The following DYSF variants were observed in gnomAD, a reference collection of about 807,000 sequenced individuals.
DYSF encodes dysferlin.
In DYSF, 212 loss-of-function variants were observed where a neutral mutation model predicts 274.9. The observed-to-expected ratio is 0.77, with a 90% CI of 0.69 to 0.86. The LOEUF is 0.86. Among genes scored for constraint, DYSF ranks in the 40% least tolerant of loss-of-function variants. The probability of loss-of-function intolerance (pLI) is 0.00; values close to 1 mark genes in which losing one functional copy is unlikely to be tolerated. For missense variants in DYSF, 2,666 were observed against 2,783.2 expected (o/e 0.96, Z 0.95); for synonymous variants, 1,091 against 1,078.7 (o/e 1.01, Z -0.22).
Position 71,679,251 on chromosome 2 carries a change from C to G in DYSF, c.6063+16C>G, listed in dbSNP as rs752264721. 1 of 1,613,120 alleles carries G rather than the reference C, an allele frequency of 6.2e-7. No homozygotes were observed. Among genetic ancestry groups the G allele is most frequent in the South Asian group, 1.1e-5 (1 of 90,962 alleles). Reference sequence around the variant, plus strand: ...AATACTGGCGGTAAGTCTACTTCCTCCAGCCCCAGTGGAGGGCATGGGGGA... The same window carrying G: ...AATACTGGCGGTAAGTCTACTTCCTGCAGCCCCAGTGGAGGGCATGGGGGA... On this transcript the variant is annotated intron_variant, in intron 53 of 55. Transcript: ENST00000410020.
At chr2:71,605,253 GT>G (rs1558596900) in intron 36 of DYSF, among the ~76,000 whole-genome samples, 1 of 152,114 alleles carries the variant, frequency 6.6e-6, no homozygotes. Context: ...CCTCTGTCTG[GT>G]TTCTTTTCCT....
intron 16 of DYSF, among the ~76,000 whole-genome samples, chr2:71,536,622 C>T (rs547686386): frequency 2.0e-5 from 3 of 152,308 alleles, no homozygotes; most frequent in African/African-American, 4.8e-5. Flanking sequence ...GGCCCGAGTC[C>T]GGGTGAGCTG....
chr2:71,628,417 CT>C (rs34986238), intron 41 of DYSF, among the ~76,000 whole-genome samples: 70,139 of 148,416 alleles, frequency 0.47, 16,729 homozygotes, highest in Admixed American at 0.56. Context: ...TTCACATTTA[CT>C]TTTTTTTTTT....
intron 17 of DYSF, among the ~76,000 whole-genome samples, chr2:71,543,087 C>T (rs538438696): frequency 8.3e-4 from 75 of 90,050 alleles, no homozygotes; most frequent in African/African-American, 1.3e-3. Flanking sequence ...CGGGCGGAGA[C>T]GCTCCTCACT....
rs558161149 is a variant in DYSF at position 71,578,644 on chromosome 2, G to A, written c.3402+4273G>A. Among the ~76,000 whole-genome samples, 135 of 152,312 alleles carry A rather than the reference G, an allele frequency of 8.9e-4. 1 individual carries two copies. The highest frequency in any genetic ancestry group is 3.2e-3 in the African/African-American group (134 of 41,578). On this transcript the variant is annotated intron_variant, in intron 30 of 55. Coordinates refer to ENST00000410020, the MANE Select transcript of DYSF (RefSeq NM_001130987.2). ...GGAGGCAGGCCTTGCAGGGGCTGGG[G>A]AAAGACCGTGGGTGGAAGCCAGGTA...
chr2:71,459,116 G>A (rs553027476), intron 1 of DYSF, among the ~76,000 whole-genome samples: 1 of 152,186 alleles, frequency 6.6e-6, no homozygotes, highest in Admixed American at 6.5e-5. Flanking sequence ...AGGGAAGAAG[G>A]CCTCATCTAT....
At chr2:71,476,838 T>TTTC (rs1553505731) in intron 1 of DYSF, among the ~76,000 whole-genome samples, 2 of 145,444 alleles carry the variant, frequency 1.4e-5, no homozygotes, top group African/African-American at 2.6e-5. Context: ...TTTTTTTTTT[T>TTTC]CCATGGAATA....
intron 4 of DYSF, among the ~76,000 whole-genome samples, chr2:71,508,721 C>T (rs530623757): frequency 6.6e-6 from 1 of 152,332 alleles, no homozygotes; most frequent in African/African-American, 2.4e-5. Flanking sequence ...TTTGATTACA[C>T]TAGCATTTGC....
At chr2:71,492,702 C>A (rs868196284) in intron 3 of DYSF, among the ~76,000 whole-genome samples, 1 of 134,926 alleles carries the variant, frequency 7.4e-6, no homozygotes, top group African/African-American at 2.6e-5. Context: ...CCTTCCTCCC[C>A]CCCCCCCTTT....
chr2:71,479,316 ACT>A (rs1449636033), intron 1 of DYSF, among the ~76,000 whole-genome samples: 1 of 150,990 alleles, frequency 6.6e-6, no homozygotes, highest in Non-Finnish European at 1.5e-5. Context: ...GACCTTCAAC[ACT>A]CTTTTTCTGT....
At chr2:71,519,811 G>GTTTTTTTTT (rs70959241) in intron 10 of DYSF, among the ~76,000 whole-genome samples, 24 of 102,286 alleles carry the variant, frequency 2.3e-4, no homozygotes, top group Non-Finnish European at 3.2e-4. Flanking sequence ...CACCCGGCTA[G>GTTTTTTTTT]TTTTTTTTTT....
At chr2:71,578,288 C>T (rs891878644) in intron 30 of DYSF, among the ~76,000 whole-genome samples, 6 of 152,118 alleles carry the variant, frequency 3.9e-5, no homozygotes, top group Non-Finnish European at 8.8e-5. Flanking sequence ...CCCATTGGCC[C>T]CCTACTTGGG....
intron 36 of DYSF, among the ~76,000 whole-genome samples, chr2:71,606,764 A>G (rs1024113493): frequency 6.6e-6 from 1 of 152,146 alleles, no homozygotes. Context: ...GAGACCTTGA[A>G]TTAGGCCCTA....
chr2:71,658,815 G>A, intron 43 of DYSF, 63 bp from the exon 44 acceptor site: 13 of 1,603,690 alleles, frequency 8.1e-6, no homozygotes, highest in Non-Finnish European at 1.1e-5. Context: ...TTTGGGTGGG[G>A]ACACAGCCAA....
intron 50 of DYSF, among the ~76,000 whole-genome samples, 192 bp from the exon 51 acceptor site, chr2:71,669,413 C>T (rs1393887562): frequency 6.6e-6 from 1 of 152,192 alleles, no homozygotes; most frequent in Non-Finnish European, 1.5e-5. Context: ...GTTGAACTTA[C>T]AAGTTTAGTG....
intron 52 of DYSF, among the ~76,000 whole-genome samples, chr2:71,677,215 A>G (rs1182991950): frequency 2.0e-5 from 3 of 152,198 alleles, no homozygotes; most frequent in African/African-American, 7.2e-5. Flanking sequence ...CGGATTGATA[A>G]ATGGATGAGT....
intron 23 of DYSF, among the ~76,000 whole-genome samples, chr2:71,562,653 G>C (rs1396004079): frequency 6.6e-6 from 1 of 152,204 alleles, no homozygotes; most frequent in South Asian, 2.1e-4. Context: ...GGACTCCCAG[G>C]GAGGAGGTAG....
chr2:71,682,758 C>T, intron 55 of DYSF, 81 bp downstream of exon 55: 1 of 1,537,146 alleles, frequency 6.5e-7, no homozygotes, highest in East Asian at 2.4e-5. Flanking sequence ...AGAGCTCTCC[C>T]AGTCTAATGG....
chr2:71,577,708 G>C (rs1335139354), intron 30 of DYSF, among the ~76,000 whole-genome samples: 1 of 151,996 alleles, frequency 6.6e-6, no homozygotes, highest in Non-Finnish European at 1.5e-5. Flanking sequence ...CCCCTCCACA[G>C]TCACGTTTCC....
Sources: gnomAD v4.1 joint callset for allele counts (sites outside exome capture counted in the v4.1 genomes callset) on GRCh38, gnomAD v4.1.1 for gene constraint, MANE v1.5 for transcripts, NCBI Gene and HGNC (gene_info 2026-07-23, HGNC 2026-07-21) for gene names.